ANO3: variants seen among roughly 807,000 people sequenced by gnomAD.
The protein encoded by ANO3 is anoctamin-3.
ANO3 carries 99 observed loss-of-function variants against 144.8 expected under a neutral mutation model. The ratio of observed to expected loss-of-function variants is 0.68; its 90% CI spans 0.58 to 0.81. ANO3 has a LOEUF of 0.81. Among genes scored for constraint, ANO3 ranks in the 30% least tolerant of loss-of-function variants. ANO3 has a pLI of 0.00. For synonymous variants in ANO3, 414 were observed against 392.6 expected (o/e 1.05, Z -0.64); for missense variants, 905 against 1,202.2 (o/e 0.75, Z 3.66).
At chr11:26,370,639 G>T (rs991022138) in intron 1 of ANO3, among the ~76,000 whole-genome samples, 14 of 152,182 alleles carry the variant, frequency 9.2e-5, no homozygotes, top group African/African-American at 3.4e-4. Flanking sequence ...GGAACGTTTG[G>T]AACTTCCTAG....
chr11:26,243,664 T>A (rs1395866097), intron 1 of ANO3, among the ~76,000 whole-genome samples: 1 of 152,164 alleles, frequency 6.6e-6, no homozygotes, highest in Non-Finnish European at 1.5e-5. Context: ...TTCATGGAGA[T>A]ACAATAACAC....
chr11:26,580,031 A>C (rs901498494), intron 14 of ANO3, among the ~76,000 whole-genome samples: 6 of 152,188 alleles, frequency 3.9e-5, no homozygotes, highest in African/African-American at 1.4e-4. Flanking sequence ...AAAGATTACA[A>C]AAATACCAAT....
intron 1 of ANO3, among the ~76,000 whole-genome samples, chr11:26,404,403 C>T (rs763301338): frequency 1.3e-5 from 2 of 151,812 alleles, no homozygotes; most frequent in South Asian, 2.1e-4. Flanking sequence ...TGGAAAACTA[C>T]TGCTTCCTGA....
At chr11:26,603,065 T>C (rs1163240642) in intron 17 of ANO3, among the ~76,000 whole-genome samples, 1 of 152,154 alleles carries the variant, frequency 6.6e-6, no homozygotes, top group African/African-American at 2.4e-5. Flanking sequence ...TTAAAAAATT[T>C]TAAATAAAAA....
upstream of ANO3, among the ~76,000 whole-genome samples, chr11:26,329,437 T>TC (rs1320517613): frequency 2.0e-5 from 3 of 151,874 alleles, no homozygotes; most frequent in Admixed American, 6.6e-5. Context: ...TCTAGCAACC[T>TC]CCCCTAAAAG....
intron 4 of ANO3, among the ~76,000 whole-genome samples, chr11:26,496,418 C>T (rs1029570353): frequency 7.2e-5 from 11 of 152,136 alleles, no homozygotes; most frequent in Non-Finnish European, 1.5e-4. Context: ...CTGCAGATGT[C>T]CTTGGAGGTA....
intron 7 of ANO3, among the ~76,000 whole-genome samples, chr11:26,530,028 TCCCTATCC>T (rs1441715031): frequency 5.3e-5 from 8 of 152,102 alleles, no homozygotes; most frequent in Non-Finnish European, 8.8e-5. Context: ...GGAATCTCAG[TCCCTATCC>T]CAGGCCTATG....
intron 1 of ANO3, among the ~76,000 whole-genome samples, chr11:26,416,253 T>A (rs1430345825): frequency 6.6e-6 from 1 of 152,108 alleles, no homozygotes. Context: ...CAAATAATGC[T>A]AGCATAGAAT....
At chr11:26,344,130 A>T (rs898973317) in intron 1 of ANO3, among the ~76,000 whole-genome samples, 1 of 152,168 alleles carries the variant, frequency 6.6e-6, no homozygotes, top group African/African-American at 2.4e-5. Context: ...TCTGATTATG[A>T]CCTGTTATGC....
chr11:26,442,034 T>A lies in ANO3; in HGVS notation c.163T>A (p.Ser55Thr). The A allele has an allele frequency of 6.2e-7, 1 of 1,614,172 alleles. No homozygotes were observed. The highest frequency in any genetic ancestry group is 1.7e-5 in the Admixed American group (1 of 60,014). ...CTCAAAGAGCTTGAGCCAGTCTACT[T>A]CCCTCTTCCAGTCAACCGAGAGTGA... is the stretch of plus-strand genomic sequence containing the variant. ...AYSKSLSQST[S>T]LFQSTESESQ... Residue 55 changes from serine to threonine, a missense_variant, in exon 2 of 27, where the codon TCC (serine) becomes ACC (threonine). Around this residue, in one of 4 missense-constraint regions of ANO3, gnomAD observed 174 missense variants for 171.9 expected, o/e 1.01. Coordinates refer to ENST00000256737, the MANE Select transcript of ANO3 (RefSeq NM_031418.4).
chr11:26,533,900 A>G (rs1000947100), intron 8 of ANO3, among the ~76,000 whole-genome samples: 10 of 152,174 alleles, frequency 6.6e-5, no homozygotes, highest in Non-Finnish European at 2.9e-5. Flanking sequence ...GGACACTTCC[A>G]TTTTTTCGAG....
chr11:26,639,294 T>A, intron 21 of ANO3, 53 bp downstream of exon 21: 1 of 1,398,806 alleles, frequency 7.1e-7, no homozygotes, highest in Non-Finnish European at 1.0e-6. Flanking sequence ...AGAGGAAAGC[T>A]AGAGGTGGCG....
At chr11:26,234,785 A>G (rs181312177) in intron 1 of ANO3, among the ~76,000 whole-genome samples, 99 of 152,260 alleles carry the variant, frequency 6.5e-4, no homozygotes, top group African/African-American at 2.3e-3. Flanking sequence ...AATAGGATAT[A>G]CATAGAGTGA....
intron 4 of ANO3, among the ~76,000 whole-genome samples, chr11:26,473,049 T>G (rs1016593164): frequency 2.0e-5 from 3 of 151,998 alleles, no homozygotes; most frequent in Admixed American, 2.0e-4. Context: ...AATCCCTTCA[T>G]GCCACAGACA....
chr11:26,621,672 A>C (rs1171513519), intron 17 of ANO3, among the ~76,000 whole-genome samples: 2 of 152,060 alleles, frequency 1.3e-5, no homozygotes, highest in Admixed American at 1.3e-4. Context: ...TACCCACTGA[A>C]ATTTGAGTTC....
At chr11:26,193,247 T>C (rs568506040) in intron 1 of ANO3, among the ~76,000 whole-genome samples, 7 of 151,428 alleles carry the variant, frequency 4.6e-5, no homozygotes, top group African/African-American at 1.7e-4. Flanking sequence ...GTTCAAGCGA[T>C]TATCCTGCCT....
At chr11:26,467,622 A>G (rs1474260374) in intron 4 of ANO3, among the ~76,000 whole-genome samples, 1 of 149,712 alleles carries the variant, frequency 6.7e-6, no homozygotes, top group Admixed American at 6.7e-5. Context: ...TCATTCTTTT[A>G]TGGCTGAATA....
At chr11:26,311,066 G>A (rs1357155065) in intron 1 of ANO3, among the ~76,000 whole-genome samples, 1 of 152,074 alleles carries the variant, frequency 6.6e-6, no homozygotes, top group African/African-American at 2.4e-5. Flanking sequence ...AAAGAAAGGT[G>A]GTTTACGGAA....
At position 26,288,702 on chromosome 11, in the gene ANO3, A is replaced by G. The variant is rs193246387; in HGVS notation, c.155-20943A>G. 3.5e-3 allele frequency among the ~76,000 whole-genome samples: 533 copies of G among 152,238 alleles called. 10 individuals carry two copies. The highest frequency in any genetic ancestry group is 9.2e-3 in the Admixed American group (140 of 15,288). On this transcript the variant is annotated intron_variant, in intron 1 of 27. Transcript: ENST00000672621. ...CCATTTTCTTCTTTTGATCTGTACC[A>G]TGCCTGAGAAAGCAGCAAGATAGGA...
Sources: allele counts gnomAD v4.1 joint callset (sites outside exome capture counted in the v4.1 genomes callset), GRCh38; gene constraint gnomAD v4.1.1; regional missense constraint gnomAD v4.1.1; transcripts MANE v1.5; gene names NCBI Gene and HGNC (gene_info 2026-07-23, HGNC 2026-07-21).